The following CUBN variants were observed in gnomAD, a reference collection of about 807,000 sequenced individuals.
CUBN encodes the protein cubilin.
A neutral mutation model predicts 405.3 loss-of-function variants in CUBN; 282 were observed. The ratio of observed to expected loss-of-function variants is 0.70; its 90% CI spans 0.63 to 0.77. CUBN has a LOEUF of 0.77. CUBN is among the 30% of genes least tolerant of loss of function. The pLI is 0.00. For synonymous variants in CUBN, 1,684 were observed against 1,617.0 expected (o/e 1.04, Z -0.99); for missense variants, 4,514 against 4,475.2 (o/e 1.01, Z -0.25).
chr10:16,989,454 T>C (rs1309762555), intron 29 of CUBN, among the ~76,000 whole-genome samples: 2 of 148,308 alleles, frequency 1.3e-5, no homozygotes, highest in African/African-American at 4.9e-5. Context: ...GACATATCTA[T>C]ATATGTTATA....
rs74431427 is a variant in CUBN at position 16,840,376 on chromosome 10, G to A, written c.9986C>T (p.Ser3329Leu). 9.9e-4 allele frequency: 1,598 copies of A among 1,614,086 alleles called. 11 individuals carry two copies. The African/African-American group carries it at 0.018, about 18-fold the overall frequency. ...KITVWALQLT[S>L]QDCTQNYLQL... ...TAAGTAATTCTGCGTGCAGTCTTGCGAGGTCAGCTGTAATGCCCACACAGT... is the reference window on the plus strand; with the variant it reads ...TAAGTAATTCTGCGTGCAGTCTTGCAAGGTCAGCTGTAATGCCCACACAGT... Residue 3329 changes from serine (S) to leucine (L), a missense_variant, in exon 62 of 67, where the codon TCG becomes TTG. Around this residue, in one of 5 missense-constraint regions of CUBN, gnomAD observed 1,186 missense variants for 1,186.9 expected, o/e 1.00. Transcript: ENST00000377833.
intron 58 of CUBN, among the ~76,000 whole-genome samples, chr10:16,872,500 G>C (rs763085378): frequency 7.9e-5 from 12 of 152,056 alleles, no homozygotes; most frequent in Non-Finnish European, 1.6e-4. Flanking sequence ...GCCTATGGGA[G>C]GTGATTAGGT....
chr10:17,089,832 A>G (rs1836213143), intron 14 of CUBN, among the ~76,000 whole-genome samples: 1 of 152,204 alleles, frequency 6.6e-6, no homozygotes. Context: ...ATTCCAAAAG[A>G]TTGGAAACAA....
intron 54 of CUBN, among the ~76,000 whole-genome samples, chr10:16,894,190 G>A (rs1406631388): frequency 2.0e-5 from 3 of 152,052 alleles, no homozygotes; most frequent in Non-Finnish European, 2.9e-5. Flanking sequence ...TATTTCACAT[G>A]GCATAAGATT....
intron 64 of CUBN, among the ~76,000 whole-genome samples, chr10:16,832,819 C>G (rs1839049422): frequency 6.6e-6 from 1 of 152,120 alleles, no homozygotes; most frequent in South Asian, 2.1e-4. Flanking sequence ...GTAACACAGT[C>G]AGAATTCTCA....
At position 17,116,552 on chromosome 10, in the gene CUBN, G is replaced by A. The variant is rs150256180; in HGVS notation, c.594-955C>T. Among the ~76,000 whole-genome samples, 328 of 152,308 alleles carry A rather than the reference G, an allele frequency of 2.2e-3. 1 individual carries two copies. The highest frequency in any genetic ancestry group is 7.5e-3 in the African/African-American group (310 of 41,572). Reference sequence around the variant, plus strand: ...AGGGGTCAGAGACAAGGAACAGGGCGTGCCTGCGTGGCCAGGCCTCCCTCC... The same window carrying A: ...AGGGGTCAGAGACAAGGAACAGGGCATGCCTGCGTGGCCAGGCCTCCCTCC... On this transcript the variant is annotated intron_variant, in intron 6 of 66. Coordinates refer to ENST00000377833, the MANE Select transcript of CUBN (RefSeq NM_001081.4).
At chr10:16,916,290 T>C (rs890248895) in intron 45 of CUBN, among the ~76,000 whole-genome samples, 1 of 152,228 alleles carries the variant, frequency 6.6e-6, no homozygotes, top group Non-Finnish European at 1.5e-5. Flanking sequence ...CTAAATGGAA[T>C]ATTCTGTAAT....
At chr10:16,891,886 C>T (rs200668614) in intron 54 of CUBN, among the ~76,000 whole-genome samples, 2,481 of 152,100 alleles carry the variant, frequency 0.016, 74 homozygotes, top group African/African-American at 0.057. Flanking sequence ...TATTGCTACA[C>T]AATCTGCAAT....
intron 50 of CUBN, 76 bp downstream of exon 50, chr10:16,906,127 C>G (rs1841546877): frequency 1.7e-6 from 2 of 1,186,124 alleles, no homozygotes; most frequent in Admixed American, 3.5e-5. Context: ...ACAACAACAA[C>G]AGCAGCGACA....
intron 22 of CUBN, among the ~76,000 whole-genome samples, chr10:17,055,065 TAA>T (rs1395660670): frequency 6.6e-6 from 1 of 152,054 alleles, no homozygotes; most frequent in African/African-American, 2.4e-5. Flanking sequence ...TGAATACACG[TAA>T]AAGTTATAAT....
intron 26 of CUBN, among the ~76,000 whole-genome samples, chr10:17,041,764 G>T (rs1332750550): frequency 6.6e-6 from 1 of 152,014 alleles, no homozygotes; most frequent in African/African-American, 2.4e-5. Flanking sequence ...CACAATAAAG[G>T]CTCCGTTCTC....
chr10:16,894,690 G>A (rs1841129429), intron 54 of CUBN, among the ~76,000 whole-genome samples: 1 of 152,114 alleles, frequency 6.6e-6, no homozygotes, highest in South Asian at 2.1e-4. Context: ...AAGGGTCTCT[G>A]CCTTCATATA....
chr10:17,079,053 T>C (rs896741749), intron 17 of CUBN, among the ~76,000 whole-genome samples: 1 of 152,234 alleles, frequency 6.6e-6, no homozygotes, highest in African/African-American at 2.4e-5. Context: ...TGCCTCCCAC[T>C]ACTCCAACCT....
At chr10:16,889,527 T>G (rs1001261045) in intron 55 of CUBN, among the ~76,000 whole-genome samples, 1 of 152,158 alleles carries the variant, frequency 6.6e-6, no homozygotes, top group Non-Finnish European at 1.5e-5. Context: ...CCATCCTTCC[T>G]AATCAAAATT....
intron 59 of CUBN, among the ~76,000 whole-genome samples, chr10:16,861,515 C>T (rs746949224): frequency 6.6e-6 from 1 of 152,038 alleles, no homozygotes; most frequent in Non-Finnish European, 1.5e-5. Flanking sequence ...TAAAAATTCT[C>T]GCATGTGAAA....
intron 6 of CUBN, among the ~76,000 whole-genome samples, chr10:17,119,122 C>A (rs1182555285): frequency 6.6e-6 from 1 of 152,170 alleles, no homozygotes; most frequent in African/African-American, 2.4e-5. Flanking sequence ...AGTTTAATAC[C>A]TAACTACCAC....
chr10:16,875,844 T>C (rs1840482839), intron 57 of CUBN, among the ~76,000 whole-genome samples: 3 of 152,102 alleles, frequency 2.0e-5, no homozygotes, highest in Admixed American at 2.0e-4. Flanking sequence ...AAAGCAGGAG[T>C]TTACCTCTCC....
At position 16,952,338 on chromosome 10, in the gene CUBN, C is replaced by A. The variant is rs538984401; in HGVS notation, c.4907G>T (p.Arg1636Leu). 16 of 1,613,886 alleles carry A rather than the reference C, an allele frequency of 9.9e-6. No homozygotes were observed. In the East Asian group the frequency reaches 3.6e-4, roughly 36 times the overall value. ...TSSFDTVSSP[R>L]FPANYPNNQN... ...ATTGTTTGGATAATTGGCAGGGAAC[C>A]GTGGAGAGGAAACAGTATCAAATGA... Residue 1636 changes from arginine to leucine, a missense_variant, in exon 33 of 67, where the codon CGG becomes CTG. By Grantham distance (102) the Arg-to-Leu change is moderately radical. Transcript: ENST00000377833.
At chr10:17,025,265 G>T (rs1255472687) in intron 27 of CUBN, among the ~76,000 whole-genome samples, 1 of 152,148 alleles carries the variant, frequency 6.6e-6, no homozygotes, top group Non-Finnish European at 1.5e-5. Flanking sequence ...TTATAGAGTG[G>T]CATTTTGAAG....
Sources: gnomAD v4.1 joint callset for allele counts (sites outside exome capture counted in the v4.1 genomes callset) on GRCh38, gnomAD v4.1.1 for gene constraint, gnomAD v4.1.1 regional missense constraint, MANE v1.5 for transcripts, NCBI Gene and HGNC (gene_info 2026-07-23, HGNC 2026-07-21) for gene names.